The following KANK2 variants were observed in gnomAD, a reference collection of about 807,000 sequenced individuals.
KANK2 encodes the protein KN motif and ankyrin repeat domains 2.
Under a neutral mutation model 74.6 loss-of-function variants are expected in KANK2, and 41 were observed. That is an observed-to-expected ratio of 0.55 (90% CI 0.43 to 0.71). The LOEUF (loss-of-function observed/expected upper bound fraction) is 0.71. Ranked by LOEUF, KANK2 falls within the 30% of genes least tolerant of loss-of-function variation. KANK2 has a pLI of 0.00. For synonymous variants in KANK2, 537 were observed against 519.0 expected (o/e 1.03, Z -0.47); for missense variants, 1,148 against 1,196.4 (o/e 0.96, Z 0.60).
chr19:11,174,569 A>C lies in KANK2; in HGVS notation c.1972T>G (p.Tyr658Asp), dbSNP rs1451044398. The C allele has an allele frequency of 1.2e-6, 2 of 1,613,588 alleles. No individual in the cohort carries two copies. Among genetic ancestry groups the C allele is most frequent in the African/African-American group, 2.7e-5 (2 of 75,066 alleles). The change falls in exon 9 of 13, where the codon TAC (tyrosine) becomes GAC (aspartate). Residue 658 changes from tyrosine to aspartate, a missense_variant. Tyr to Asp is a radical substitution (Grantham distance 160). Transcript: ENST00000586659. ...FRAMSARLLD[Y>D]VVNIADSNGN... ...TTGCTGTCGGCGATGTTGACCACGT[A>C]GTCCAGCAGCCGCGCAGACATGGCC...
At chr19:11,174,989 G>A (rs914340364) in intron 8 of KANK2, among the ~76,000 whole-genome samples, 17 of 144,318 alleles carry the variant, frequency 1.2e-4, no homozygotes, top group African/African-American at 3.4e-4. Context: ...ACAGAGTCTC[G>A]CTCTGTTGCC....
intron 6 of KANK2, 81 bp downstream of exon 6, chr19:11,178,264 G>T: frequency 8.6e-7 from 1 of 1,163,372 alleles, no homozygotes; most frequent in Non-Finnish European, 1.1e-6. Flanking sequence ...TCAGAATGAG[G>T]TAATTAGGAG....
Position 11,168,283 on chromosome 19 carries a change from C to T in KANK2, c.2502+1594G>A, listed in dbSNP as rs568724645. Among the ~76,000 whole-genome samples the T allele has an allele frequency of 3.3e-5, 5 of 151,868 alleles. No individual in the cohort carries two copies. In the East Asian group the frequency reaches 9.7e-4, roughly 29 times the overall value. ...CCTCCCAAAGTGCTGGGATTACAGGCATGAGCCACCACGCCTGGCCTCTTT... is the reference window on the plus strand; with the variant it reads ...CCTCCCAAAGTGCTGGGATTACAGGTATGAGCCACCACGCCTGGCCTCTTT... On this transcript the variant is annotated intron_variant, in intron 12 of 12. Transcript: ENST00000586659.
At chr19:11,180,807 C>A (rs954363435) in intron 4 of KANK2, among the ~76,000 whole-genome samples, 7 of 152,014 alleles carry the variant, frequency 4.6e-5, no homozygotes, top group Admixed American at 4.6e-4. Flanking sequence ...CTGGAGAGGC[C>A]GGGCGCAGTA....
chr19:11,177,755 A>T (rs1194822736), intron 6 of KANK2, among the ~76,000 whole-genome samples: 3 of 152,032 alleles, frequency 2.0e-5, no homozygotes, highest in Admixed American at 6.6e-5. Flanking sequence ...TCAAGCTTCT[A>T]GGCTCGGCAT....
chr19:11,171,719 C>T (rs1176444531), intron 10 of KANK2, among the ~76,000 whole-genome samples: 1 of 150,680 alleles, frequency 6.6e-6, no homozygotes, highest in East Asian at 2.0e-4. Flanking sequence ...CACTCTGTCA[C>T]CCAGGCTGGA....
rs759156886 is a variant in KANK2 at position 11,178,378 on chromosome 19, C to T, written c.1487G>A (p.Arg496Gln). ...GACCCCCACGAACTGGAGGCTCCTC[C>T]GGTGGGCCGTGGGGTCTGCAACCTC... Reference protein sequence around the residue: ...KEEVADPTAHRRSLQFVGVNG... With the variant: ...KEEVADPTAHQRSLQFVGVNG... Residue 496 changes from arginine to glutamine, a missense_variant, in exon 6 of 13, where the codon CGG becomes CAG. By Grantham distance (43) the Arg-to-Gln change is conservative. Transcript: ENST00000586659. The T allele has an allele frequency of 4.0e-5, 62 of 1,539,640 alleles. No individual in the cohort carries two copies. The highest frequency in any genetic ancestry group is 3.8e-4 in the South Asian group (30 of 79,488).
chr19:11,187,415 G>A (rs905925632), intron 4 of KANK2, among the ~76,000 whole-genome samples: 7 of 151,988 alleles, frequency 4.6e-5, no homozygotes, highest in African/African-American at 1.5e-4. Flanking sequence ...AATGAAACAC[G>A]CACAAGGCAT....
At chr19:11,179,409 C>T (rs1259071404) in intron 4 of KANK2, among the ~76,000 whole-genome samples, 7 of 150,736 alleles carry the variant, frequency 4.6e-5, no homozygotes, top group African/African-American at 1.5e-4. Context: ...GAGGCTGAGG[C>T]GGGCAGATCA....
At chr19:11,186,629 G>A (rs2078683927) in intron 4 of KANK2, among the ~76,000 whole-genome samples, 1 of 152,056 alleles carries the variant, frequency 6.6e-6, no homozygotes, top group Non-Finnish European at 1.5e-5. Context: ...AACCCGGGAG[G>A]TGGAGGTTGC....
At position 11,164,751 on chromosome 19, in the gene KANK2, C is replaced by T. The variant is rs1204916502; in HGVS notation, c.*1807G>A. 2.0e-5 allele frequency: 2 copies of T among 102,560 alleles called. No homozygotes were observed. The highest frequency in any genetic ancestry group is 6.9e-5 in the African/African-American group (2 of 29,050). 6.4% of individuals were successfully genotyped at this position (102,560 alleles called of 1,614,324 possible). A position where few individuals can be genotyped will look rare whatever the true frequency, so the allele number is the denominator to read the frequency against. On this transcript the variant is annotated 3_prime_UTR_variant, in exon 13 of 13. Coordinates refer to ENST00000586659, the MANE Select transcript of KANK2 (RefSeq NM_001136191.3). ...CCATCCATCCATCCATCCATCCATC[C>T]ATCCATCCTGCTTGTCTCCTTTGAC...
rs149399210 is a variant in KANK2 at position 11,195,566 on chromosome 19, TG to T, written c.-80+55del. 5 of 152,454 alleles carry T rather than the reference TG, an allele frequency of 3.3e-5. No individual in the cohort carries two copies. In the South Asian group the frequency reaches 6.2e-4, roughly 19 times the overall value. 9.4% of individuals were successfully genotyped at this position (152,454 alleles called of 1,614,324 possible). Reference sequence around the variant, plus strand: ...GGGGCCGGCAGGTACCTTGGGAGGATGGGCCAGGTAGGGCACCTGCTGGGCA... The same window carrying T: ...GGGGCCGGCAGGTACCTTGGGAGGATGGCCAGGTAGGGCACCTGCTGGGCA... On this transcript the variant is annotated intron_variant, in intron 2 of 12. Coordinates refer to ENST00000586659, the MANE Select transcript of KANK2 (RefSeq NM_001136191.3).
Position 11,164,444 on chromosome 19 carries a change from T to G in KANK2, c.*2114A>C, listed in dbSNP as rs1053701187. On this transcript the variant is annotated 3_prime_UTR_variant, in exon 13 of 13. Coordinates refer to ENST00000586659, the MANE Select transcript of KANK2 (RefSeq NM_001136191.3). ...AATGGGCGCAGAGGCACGAGTCCAGTATCCCACGGAGAGAAGGAAGTGTAG... is the reference window on the plus strand; with the variant it reads ...AATGGGCGCAGAGGCACGAGTCCAGGATCCCACGGAGAGAAGGAAGTGTAG... The G allele has an allele frequency of 6.6e-6, 1 of 152,142 alleles. No homozygotes were observed. The highest frequency in any genetic ancestry group is 6.6e-5 in the Admixed American group (1 of 15,248). The allele number at this position is 152,142 out of a possible 1,614,324, so 9.4% of individuals were successfully genotyped here. A position where few individuals can be genotyped will look rare whatever the true frequency, so the allele number is the denominator to read the frequency against.
At chr19:11,169,596 T>G in intron 12 of KANK2, 2 of 541,778 alleles carry the variant, frequency 3.7e-6, no homozygotes, top group Admixed American at 3.4e-5. Context: ...AGGTCAGGAG[T>G]TTGAGACCAG....
chr19:11,194,174 G>A, intron 3 of KANK2, 132 bp from the exon 4 acceptor site: 2 of 971,976 alleles, frequency 2.1e-6, no homozygotes, highest in South Asian at 1.7e-5. Flanking sequence ...AACCGCGTCT[G>A]CTCTCAGACC....
In KANK2 at chr19:11,169,880, G is replaced by T; in HGVS notation, c.2499C>A (p.Cys833Ter). Residue 833 changes from cysteine to a stop codon, truncating the protein, a stop_gained, in exon 12 of 13, where the codon TGC (cysteine) becomes TGA (stop). Transcript: ENST00000586659. LOFTEE classifies it high-confidence loss of function. ...ACCCGGCCGGATTGAGACTCACCGAGCACTTGATGTTCATGCGGGAATACA... is the reference window on the plus strand; with the variant it reads ...ACCCGGCCGGATTGAGACTCACCGATCACTTGATGTTCATGCGGGAATACA... ...SMLYSRMNIK[C>*]SFAPMSDDES... 1 of 1,613,300 alleles carries T rather than the reference G, an allele frequency of 6.2e-7. No homozygotes were observed.
chr19:11,183,736 C>G (rs562051345), intron 4 of KANK2, among the ~76,000 whole-genome samples: 1 of 150,692 alleles, frequency 6.6e-6, no homozygotes, highest in African/African-American at 2.4e-5. Context: ...CTGCAACTTT[C>G]GCCTCCCTGA....
At chr19:11,192,791 C>CT (rs373780770) in intron 4 of KANK2, 40 bp downstream of exon 4, 9 of 1,582,722 alleles carry the variant, frequency 5.7e-6, no homozygotes, top group East Asian at 2.3e-5. Context: ...AGGCCCCCCC[C>CT]CCCCAAGCCA....
chr19:11,192,787 C>A (rs763897410), intron 4 of KANK2, 44 bp downstream of exon 4: 10 of 1,570,862 alleles, frequency 6.4e-6, no homozygotes, highest in African/African-American at 5.4e-5. Context: ...AAAGAGGCCC[C>A]CCCCCCCCAA....
Sources: allele counts gnomAD v4.1 joint callset (sites outside exome capture counted in the v4.1 genomes callset), GRCh38; gene constraint gnomAD v4.1.1; transcripts MANE v1.5; gene names NCBI Gene and HGNC (gene_info 2026-07-23, HGNC 2026-07-21).